The following BEND4 variants were observed in gnomAD, a reference collection of about 807,000 sequenced individuals.
BEND4 encodes BEN domain containing 4.
BEND4 carries 27 observed loss-of-function variants against 54.7 expected under a neutral mutation model. The observed-to-expected ratio is 0.49, with a 90% CI of 0.36 to 0.68. The LOEUF is 0.68. Ranked by LOEUF, BEND4 falls within the 30% of genes least tolerant of loss-of-function variation. The pLI, the probability that BEND4 is intolerant of heterozygous loss-of-function variation, is 0.00. For missense variants in BEND4, 702 were observed against 697.2 expected (o/e 1.01, Z -0.08); for synonymous variants, 327 against 299.5 (o/e 1.09, Z -0.95).
At chr4:42,142,614 CAG>C (rs1209910265) in intron 3 of BEND4, among the ~76,000 whole-genome samples, 1 of 126,428 alleles carries the variant, frequency 7.9e-6, no homozygotes, top group Non-Finnish European at 1.6e-5. Context: ...GACTCAGTGA[CAG>C]AGTGAGAGAG....
At chr4:42,150,659 T>C (rs1280663974) in intron 2 of BEND4, among the ~76,000 whole-genome samples, 2 of 152,198 alleles carry the variant, frequency 1.3e-5, no homozygotes, top group Non-Finnish European at 2.9e-5. Flanking sequence ...CACTGGGAGC[T>C]GGTGGAGAGG....
intron 3 of BEND4, among the ~76,000 whole-genome samples, chr4:42,134,597 C>T (rs1464521211): frequency 6.6e-6 from 1 of 152,174 alleles, no homozygotes; most frequent in Non-Finnish European, 1.5e-5. Context: ...CAAAGACCTC[C>T]ATGGCCTCTC....
rs550304919 is a variant in BEND4, at chr4:42,143,417, T to C, written c.1054+11A>G. 551 of 1,548,522 alleles carry C rather than the reference T, an allele frequency of 3.6e-4. 13 individuals are homozygous for C. The South Asian group carries it at 6.0e-3, about 17-fold the overall frequency. On this transcript the variant is annotated intron_variant, in intron 3 of 5. Coordinates refer to ENST00000502486, the MANE Select transcript of BEND4 (RefSeq NM_207406.4). ...GGTTGCAGTTGTCTTGCAAGGAATA[T>C]GGCAGGATACCTGGGATGCTCTCTA...
At chr4:42,117,909 C>A (rs114962384) in intron 5 of BEND4, among the ~76,000 whole-genome samples, 174 bp from the exon 6 acceptor site, 218 of 146,646 alleles carry the variant, frequency 1.5e-3, no homozygotes, top group African/African-American at 5.2e-3. Context: ...TTATTCCATA[C>A]AAATTTTCTT....
Position 42,114,820 on chromosome 4 carries a change from A to G in BEND4, c.*2698T>C, listed in dbSNP as rs1719733067. 1 of 152,320 alleles carries G rather than the reference A, an allele frequency of 6.6e-6. No individual in the cohort carries two copies. The highest frequency in any genetic ancestry group is 1.9e-4 in the East Asian group (1 of 5,192). 9.4% of individuals were successfully genotyped at this position (152,320 alleles called of 1,614,324 possible). The stretch of plus-strand genomic sequence containing the variant: ...ACGACCACCGTGAACTTACGTACAT[A>G]CCAGCCTTAAAGGTGAAGCTCAAGG... On this transcript the variant is annotated 3_prime_UTR_variant, in exon 6 of 6. Coordinates refer to ENST00000502486, the MANE Select transcript of BEND4 (RefSeq NM_207406.4).
chr4:42,136,330 T>A (rs564532118), intron 3 of BEND4, among the ~76,000 whole-genome samples: 2 of 152,212 alleles, frequency 1.3e-5, no homozygotes, highest in Non-Finnish European at 2.9e-5. Context: ...TTTTAAAACC[T>A]TCTTAATTAG....
chr4:42,135,462 T>C (rs1720664983), intron 3 of BEND4, among the ~76,000 whole-genome samples: 1 of 152,156 alleles, frequency 6.6e-6, no homozygotes, highest in South Asian at 2.1e-4. Flanking sequence ...TTATTGTATT[T>C]GGTACTTTCA....
chr4:42,151,776 G>T lies in BEND4; in HGVS notation c.368C>A (p.Ser123Tyr). ...LRTPAQPPPASPAASSSSSFA... is the reference protein window; with the variant it reads ...LRTPAQPPPAYPAASSSSSFA... ...CGAAGACGACGAGGAGGCGGCGGGG[G>T]ACGCGGGCGGCGGCTGCGCCGGAGT... The change falls in exon 2 of 6, where the codon TCC (serine) becomes TAC (tyrosine). Residue 123 changes from serine to tyrosine, a missense_variant. Coordinates refer to ENST00000502486, the MANE Select transcript of BEND4 (RefSeq NM_207406.4). 3 of 1,495,378 alleles carry T rather than the reference G, an allele frequency of 2.0e-6. No homozygotes were observed. The highest frequency in any genetic ancestry group is 1.3e-5 in the South Asian group (1 of 79,860). 92.6% of individuals were successfully genotyped at this position (1,495,378 alleles called of 1,614,324 possible).
intron 3 of BEND4, among the ~76,000 whole-genome samples, chr4:42,126,831 C>A (rs1205950009): frequency 2.0e-5 from 3 of 152,024 alleles, no homozygotes. Context: ...GGCAATATAG[C>A]GAGACCCTGT....
At chr4:42,140,063 T>G (rs374133945) in intron 3 of BEND4, among the ~76,000 whole-genome samples, 25 of 152,334 alleles carry the variant, frequency 1.6e-4, no homozygotes, top group African/African-American at 6.0e-4. Context: ...GTTTATTGTT[T>G]AGGTAAAAAT....
rs1266821900 is a variant in BEND4, at chr4:42,115,245, T to A, written c.*2273A>T. On this transcript the variant is annotated 3_prime_UTR_variant, in exon 6 of 6. Transcript: ENST00000502486. ...ACCATGTGTAACTTTGGAACAAAAG[T>A]GGTGTGCAAACCTGGGACAGCAGCC... is the stretch of plus-strand genomic sequence containing the variant. 1 of 152,202 alleles carries A rather than the reference T, an allele frequency of 6.6e-6. No homozygotes were observed. Among genetic ancestry groups the A allele is most frequent in the Non-Finnish European group, 1.5e-5 (1 of 68,070 alleles). The allele number at this position is 152,202 out of a possible 1,614,324, so 9.4% of individuals were successfully genotyped here.
Position 42,116,129 on chromosome 4 carries a change from A to C in BEND4, c.*1389T>G, listed in dbSNP as rs1158611830. 6.6e-6 allele frequency: 1 copy of C among 152,236 alleles called. No individual in the cohort carries two copies. The highest frequency in any genetic ancestry group is 2.4e-5 in the African/African-American group (1 of 41,456). The allele number at this position is 152,236 out of a possible 1,614,324, so 9.4% of individuals were successfully genotyped here. On this transcript the variant is annotated 3_prime_UTR_variant, in exon 6 of 6. Coordinates refer to ENST00000502486, the MANE Select transcript of BEND4 (RefSeq NM_207406.4). The stretch of plus-strand genomic sequence containing the variant: ...TAGCCCAAAAACCCTTTATCAATGG[A>C]TGCTCATTAACCTGAATCTCCAACC...
chr4:42,128,311 A>G (rs1246216745), intron 3 of BEND4, among the ~76,000 whole-genome samples: 3 of 151,864 alleles, frequency 2.0e-5, no homozygotes, highest in Middle Eastern at 3.4e-3. Flanking sequence ...CTCTCTCACC[A>G]CTCCTATTCA....
intron 5 of BEND4, among the ~76,000 whole-genome samples, chr4:42,118,616 C>A (rs1203140667): frequency 1.3e-5 from 2 of 152,210 alleles, no homozygotes; most frequent in South Asian, 4.1e-4. Context: ...ATCAGTTCTA[C>A]TGACTTGCTA....
Position 42,111,698 on chromosome 4 carries a change from A to G in BEND4, c.*5820T>C, listed in dbSNP as rs879817931. ...AATTAAAACTCTCTCTTCCAAACCA[A>G]TCAGACTCATCAGCTCTAAAGCTAC... On this transcript the variant is annotated 3_prime_UTR_variant, in exon 6 of 6. Transcript: ENST00000502486. 1 of 152,216 alleles carries G rather than the reference A, an allele frequency of 6.6e-6. No individual in the cohort carries two copies. Among genetic ancestry groups the G allele is most frequent in the Non-Finnish European group, 1.5e-5 (1 of 68,042 alleles). The allele number at this position is 152,216 out of a possible 1,614,324, so 9.4% of individuals were successfully genotyped here.
At chr4:42,139,403 C>T (rs1720806694) in intron 3 of BEND4, among the ~76,000 whole-genome samples, 1 of 151,984 alleles carries the variant, frequency 6.6e-6, no homozygotes, top group Admixed American at 6.5e-5. Context: ...AATACCGTAA[C>T]ACTGCCCCTC....
rs556251085 is a variant in BEND4, at chr4:42,145,817, G to C, written c.488-1823C>G. On this transcript the variant is annotated intron_variant, in intron 2 of 5. Coordinates refer to ENST00000502486, the MANE Select transcript of BEND4 (RefSeq NM_207406.4). ...AAACTGCAAGTCAGAACAGAGGCCA[G>C]ATCTCTTCTACTCAGTAGAGGATCA... Among the ~76,000 whole-genome samples, 4 of 152,210 alleles carry C rather than the reference G, an allele frequency of 2.6e-5. No homozygotes were observed. In the South Asian group the frequency reaches 8.3e-4, roughly 32 times the overall value.
chr4:42,135,108 GGAAGC>G (rs1720652270), intron 3 of BEND4, among the ~76,000 whole-genome samples: 1 of 152,116 alleles, frequency 6.6e-6, no homozygotes, highest in Non-Finnish European at 1.5e-5. Flanking sequence ...AGTCTGGGAG[GGAAGC>G]TTAGTGACTC....
intron 3 of BEND4, among the ~76,000 whole-genome samples, chr4:42,131,406 T>C (rs542356363): frequency 6.6e-6 from 1 of 152,306 alleles, no homozygotes; most frequent in East Asian, 1.9e-4. Flanking sequence ...ATTGTGGGAT[T>C]AGGGTAGTTA....
Sources: gnomAD v4.1 joint callset for allele counts (sites outside exome capture counted in the v4.1 genomes callset) on GRCh38, gnomAD v4.1.1 for gene constraint, MANE v1.5 for transcripts, NCBI Gene and HGNC (gene_info 2026-07-23, HGNC 2026-07-21) for gene names.